The following B3GALT1 variants were observed in gnomAD, a reference collection of about 807,000 sequenced individuals.
B3GALT1 encodes UDP-Gal:betaGlcNAc beta 1,3-galactosyltransferase, polypeptide 1.
A neutral mutation model predicts 23.2 loss-of-function variants in B3GALT1; 10 were observed. The ratio of observed to expected loss-of-function variants is 0.43; its 90% CI spans 0.27 to 0.73. B3GALT1 has a LOEUF of 0.73. Ranked by LOEUF, B3GALT1 falls within the 30% of genes least tolerant of loss-of-function variation. B3GALT1 has a pLI of 0.21. For missense variants in B3GALT1, 299 were observed against 405.4 expected, an observed-to-expected ratio of 0.74 and a Z score of 2.25; for synonymous variants, 156 against 141.5, an observed-to-expected ratio of 1.10 and a Z score of -0.73.
intron 2 of B3GALT1, among the ~76,000 whole-genome samples, chr2:167,539,814 ATAATT>A (rs1683506134): frequency 1.3e-5 from 2 of 152,130 alleles, no homozygotes; most frequent in South Asian, 4.1e-4. Flanking sequence ...ATAACAAGAT[ATAATT>A]TAAATATAAT....
intron 2 of B3GALT1, among the ~76,000 whole-genome samples, chr2:167,591,430 G>C (rs1684677153): frequency 6.6e-6 from 1 of 152,190 alleles, no homozygotes; most frequent in East Asian, 1.9e-4. Flanking sequence ...GGACAGAGGA[G>C]AGATTTGATC....
intron 2 of B3GALT1, among the ~76,000 whole-genome samples, chr2:167,559,568 A>T (rs1262614412): frequency 6.6e-6 from 1 of 152,174 alleles, no homozygotes; most frequent in African/African-American, 2.4e-5. Context: ...AAAAATTTAG[A>T]CGAATGTATA....
chr2:167,349,612 G>T (rs564242327), intron 1 of B3GALT1, among the ~76,000 whole-genome samples: 1 of 152,208 alleles, frequency 6.6e-6, no homozygotes, highest in Non-Finnish European at 1.5e-5. Context: ...TTTACTGTTG[G>T]ACCTCAGACT....
chr2:167,722,535 G>A (rs1454958205), intron 3 of B3GALT1, among the ~76,000 whole-genome samples: 1 of 151,984 alleles, frequency 6.6e-6, no homozygotes, highest in East Asian at 1.9e-4. Flanking sequence ...CTTTAATGAA[G>A]ATTCAAGTTT....
At chr2:167,814,551 G>A (rs1201973072) in intron 3 of B3GALT1, among the ~76,000 whole-genome samples, 1 of 152,118 alleles carries the variant, frequency 6.6e-6, no homozygotes, top group African/African-American at 2.4e-5. Context: ...CAGGAGGTCA[G>A]GAGATCGAGA....
chr2:167,641,604 G>T (rs74402375), intron 2 of B3GALT1, among the ~76,000 whole-genome samples: 2,330 of 152,206 alleles, frequency 0.015, 19 homozygotes, highest in South Asian at 0.039. Flanking sequence ...GCTTATTTTT[G>T]CAGTGGCATT....
intron 2 of B3GALT1, among the ~76,000 whole-genome samples, chr2:167,596,116 G>A (rs1684769691): frequency 6.6e-6 from 1 of 152,160 alleles, no homozygotes; most frequent in Non-Finnish European, 1.5e-5. Context: ...TAGCCTAGAA[G>A]AGCGTAGATA....
intron 1 of B3GALT1, among the ~76,000 whole-genome samples, chr2:167,327,823 A>G (rs1219012068): frequency 6.6e-6 from 1 of 152,096 alleles, no homozygotes; most frequent in African/African-American, 2.4e-5. Flanking sequence ...AAGGCTTTCA[A>G]ATTTTCCCCA....
At chr2:167,719,918 C>T (rs113366405) in intron 3 of B3GALT1, among the ~76,000 whole-genome samples, 16,243 of 151,100 alleles carry the variant, frequency 0.11, 1,188 homozygotes, top group East Asian at 0.3. Flanking sequence ...GGTGACAGAG[C>T]GAGACCCTGT....
intron 2 of B3GALT1, among the ~76,000 whole-genome samples, chr2:167,578,179 T>C (rs113401063): frequency 0.011 from 1,647 of 152,088 alleles, 27 homozygotes; most frequent in African/African-American, 0.038. Flanking sequence ...AAGCATAGTA[T>C]TGAGTTCTGG....
chr2:167,456,406 A>G (rs1387272643), intron 1 of B3GALT1, among the ~76,000 whole-genome samples: 1 of 152,332 alleles, frequency 6.6e-6, no homozygotes, highest in East Asian at 1.9e-4. Context: ...ACATTTAAAC[A>G]TGAAATGTGG....
At chr2:167,499,157 A>T (rs1699815832) in intron 2 of B3GALT1, among the ~76,000 whole-genome samples, 1 of 152,122 alleles carries the variant, frequency 6.6e-6, no homozygotes, top group East Asian at 1.9e-4. Flanking sequence ...TCTCAACTCC[A>T]CAATTAACTT....
intron 3 of B3GALT1, among the ~76,000 whole-genome samples, chr2:167,735,357 C>T (rs1687476052): frequency 6.6e-6 from 1 of 152,194 alleles, no homozygotes. Flanking sequence ...CAGCATTTGG[C>T]AGATGAAATT....
In B3GALT1 at chr2:167,293,276, C is replaced by T. The variant is rs578193770; in HGVS notation, c.-569C>T. ...AGCAGCAGCATCTTCGGGACCCTGG[C>T]TGCAGCGTCCCTGTGGCCCGCGCGC... On this transcript the variant is annotated 5_prime_UTR_variant, in exon 1 of 5. Coordinates refer to ENST00000392690, the MANE Select transcript of B3GALT1 (RefSeq NM_020981.4). The T allele has an allele frequency of 4.7e-4, 72 of 152,338 alleles. No homozygotes were observed. The highest frequency in any genetic ancestry group is 1.7e-3 in the African/African-American group (71 of 41,568). The allele number at this position is 152,338 out of a possible 1,614,324, so 9.4% of individuals were successfully genotyped here.
intron 3 of B3GALT1, among the ~76,000 whole-genome samples, chr2:167,763,547 C>A (rs546462441): frequency 1.3e-5 from 2 of 152,016 alleles, no homozygotes; most frequent in Non-Finnish European, 2.9e-5. Flanking sequence ...GTAAACGTAG[C>A]CAGGTATGGT....
chr2:167,720,583 C>G (rs914472074), intron 3 of B3GALT1, among the ~76,000 whole-genome samples: 2 of 152,148 alleles, frequency 1.3e-5, no homozygotes, highest in Non-Finnish European at 2.9e-5. Flanking sequence ...TGCATAGTCA[C>G]CAAAGAAGAA....
Position 167,462,721 on chromosome 2 carries a change from G to T in B3GALT1, c.-510-27456G>T, listed in dbSNP as rs963482680. On this transcript the variant is annotated intron_variant, in intron 1 of 4. Coordinates refer to ENST00000392690, the MANE Select transcript of B3GALT1 (RefSeq NM_020981.4). ...ATTTAAATGCAGTTAGCTTCTGTTG[G>T]CTGGATCACTTTCACCATTCTGAAG... 2.6e-5 allele frequency among the ~76,000 whole-genome samples: 4 copies of T among 152,106 alleles called. No homozygotes were observed. The East Asian group carries it at 7.7e-4, about 29-fold the overall frequency.
intron 3 of B3GALT1, among the ~76,000 whole-genome samples, chr2:167,703,295 C>A (rs1686910008): frequency 6.6e-6 from 1 of 152,104 alleles, no homozygotes; most frequent in Non-Finnish European, 1.5e-5. Context: ...AACAGGGCTG[C>A]CCTGACTACT....
At chr2:167,764,210 G>A (rs987202098) in intron 3 of B3GALT1, among the ~76,000 whole-genome samples, 7 of 152,086 alleles carry the variant, frequency 4.6e-5, no homozygotes, top group Admixed American at 2.0e-4. Flanking sequence ...TGGTTCATTC[G>A]AGTCACTGAA....
Sources: gnomAD v4.1 joint callset for allele counts (sites outside exome capture counted in the v4.1 genomes callset) on GRCh38, gnomAD v4.1.1 for gene constraint, MANE v1.5 for transcripts, NCBI Gene and HGNC (gene_info 2026-07-23, HGNC 2026-07-21) for gene names.